Variants in ZC3HAV1 observed in about 807,000 individuals in gnomAD.
ZC3HAV1 encodes zinc finger CCCH-type antiviral protein 1.
In ZC3HAV1, 41 loss-of-function variants were observed where a neutral mutation model predicts 86.6. The observed-to-expected ratio is 0.47, with a 90% confidence interval of 0.37 to 0.61. ZC3HAV1 has a LOEUF of 0.61. Among genes scored for constraint, ZC3HAV1 ranks in the 20% least tolerant of loss-of-function variants. The probability of loss-of-function intolerance (pLI) is 0.00; values close to 1 mark genes in which losing one functional copy is unlikely to be tolerated. For missense variants in ZC3HAV1, 964 were observed against 1,141.1 expected (o/e 0.84, Z 2.24); for synonymous variants, 421 against 432.1 (o/e 0.97, Z 0.32).
At chr7:139,057,188 T>A (rs28419035) in intron 9 of ZC3HAV1, among the ~76,000 whole-genome samples, 8 of 151,892 alleles carry the variant, frequency 5.3e-5, no homozygotes, top group Non-Finnish European at 1.5e-5. Flanking sequence ...CCTCCCCATC[T>A]CTAGAAACAT....
intron 1 of ZC3HAV1, among the ~76,000 whole-genome samples, chr7:139,097,401 CATATAT>C (rs1183885767): frequency 7.7e-4 from 49 of 63,834 alleles, no homozygotes; most frequent in Non-Finnish European, 9.9e-4. Context: ...ATTGGAACTC[CATATAT>C]ATATATATAT....
chr7:139,100,511 G>A (rs1817718455), intron 1 of ZC3HAV1, among the ~76,000 whole-genome samples: 1 of 151,936 alleles, frequency 6.6e-6, no homozygotes, highest in Non-Finnish European at 1.5e-5. Flanking sequence ...TCCAGCCTGG[G>A]CGACAGACCG....
chr7:139,096,545 T>C (rs551053872), intron 1 of ZC3HAV1, among the ~76,000 whole-genome samples: 1 of 152,298 alleles, frequency 6.6e-6, no homozygotes, highest in African/African-American at 2.4e-5. Context: ...GACACAAAGT[T>C]TGTGCTCAAT....
At chr7:139,085,854 A>G (rs1372043482) in intron 2 of ZC3HAV1, among the ~76,000 whole-genome samples, 1 of 151,962 alleles carries the variant, frequency 6.6e-6, no homozygotes, top group African/African-American at 2.4e-5. Context: ...CTCTACGAAA[A>G]ATACAAAAAA....
At chr7:139,073,465 T>C (rs1816840543) in intron 7 of ZC3HAV1, among the ~76,000 whole-genome samples, 2 of 151,912 alleles carry the variant, frequency 1.3e-5, no homozygotes, top group Non-Finnish European at 2.9e-5. Context: ...CTTCAAACAT[T>C]TTATTAATAG....
chr7:139,102,003 A>AT (rs1293551215), intron 1 of ZC3HAV1, among the ~76,000 whole-genome samples: 6 of 135,204 alleles, frequency 4.4e-5, no homozygotes, highest in African/African-American at 9.5e-5. Flanking sequence ...AGAATGATCA[A>AT]TAAAAAAAAA....
intron 1 of ZC3HAV1, among the ~76,000 whole-genome samples, chr7:139,092,724 T>C (rs1237902105): frequency 1.3e-5 from 2 of 152,250 alleles, no homozygotes; most frequent in Non-Finnish European, 2.9e-5. Flanking sequence ...AGCTAGCCCA[T>C]GCTGCACTGG....
intron 7 of ZC3HAV1, among the ~76,000 whole-genome samples, chr7:139,070,524 C>A (rs914195627): frequency 6.6e-6 from 1 of 151,402 alleles, no homozygotes; most frequent in African/African-American, 2.4e-5. Context: ...ATTAGCTGGG[C>A]GCGGTGGCGG....
chr7:139,091,170 A>G (rs955501540), intron 1 of ZC3HAV1, among the ~76,000 whole-genome samples: 5 of 131,632 alleles, frequency 3.8e-5, no homozygotes, highest in East Asian at 2.0e-4. Context: ...TCCCGGAGGA[A>G]AGACTCCTAC....
chr7:139,069,090 T>C (rs974355362), intron 7 of ZC3HAV1, among the ~76,000 whole-genome samples: 1 of 152,190 alleles, frequency 6.6e-6, no homozygotes, highest in African/African-American at 2.4e-5. Context: ...GTCATATCTG[T>C]GCTGAGCTGG....
Position 139,073,877 on chromosome 7 carries a change from T to C in ZC3HAV1, c.1851A>G (p.Thr617=). Residue 617 remains threonine (T), a synonymous_variant, in exon 7 of 13, where the codon ACA becomes ACG. Coordinates refer to ENST00000242351, the MANE Select transcript of ZC3HAV1 (RefSeq NM_020119.4). ...TCACCTCTTCTCCATACTGAATCCA[T>C]GTGCCAGATTCATTCTTCCAATACC... The part of the protein sequence containing the change: ...WIWYWKNESG[T]WIQYGEEKDK... The C allele has an allele frequency of 8.7e-6, 14 of 1,613,062 alleles. No individual in the cohort carries two copies. Among genetic ancestry groups the C allele is most frequent in the South Asian group, 1.1e-5 (1 of 91,054 alleles).
chr7:139,076,205 C>A (rs56245172), intron 6 of ZC3HAV1, 81 bp downstream of exon 6: 9 of 1,560,554 alleles, frequency 5.8e-6, no homozygotes, highest in Non-Finnish European at 7.8e-6. Context: ...GTGTTTTTTT[C>A]TTTTTCCCCT....
At chr7:139,096,135 C>A (rs113125810) in intron 1 of ZC3HAV1, among the ~76,000 whole-genome samples, 5,778 of 152,218 alleles carry the variant, frequency 0.038, 376 homozygotes, top group African/African-American at 0.13. Flanking sequence ...CTGCCTCAGC[C>A]TCCCGAGTAG....
rs142824714 is a variant in ZC3HAV1, at chr7:139,075,301, G to A, written c.1697+985C>T. On this transcript the variant is annotated intron_variant, in intron 6 of 12. Transcript: ENST00000242351. ...TCAAATCACTAAATTCTCATATGATGAAAAGTAATGTAACTTTTCCCCCTT... is the reference window on the plus strand; with the variant it reads ...TCAAATCACTAAATTCTCATATGATAAAAAGTAATGTAACTTTTCCCCCTT... Among the ~76,000 whole-genome samples the A allele has an allele frequency of 6.5e-3, 993 of 152,254 alleles. 4 individuals carry two copies. Among genetic ancestry groups the A allele is most frequent in the Admixed American group, 0.011 (169 of 15,280 alleles).
rs2130706465 is a variant in ZC3HAV1, at chr7:139,080,103, T to C, written c.838A>G (p.Ser280Gly). The change falls in exon 4 of 13, where the codon AGC (serine) becomes GGC (glycine). Residue 280 changes from serine (S) to glycine (G), a missense_variant. Physicochemically the swap from Ser to Gly is moderately conservative, Grantham distance 56 (BLOSUM62 0). Transcript: ENST00000242351. ...RSCTPSPDQI[S>G]HRASLEDAPV... Reference sequence around the variant, plus strand: ...GCGTCCTCCAGGGAAGCCCTGTGGCTGATCTGATCTGGACTAGGTGTGCAG... The same window carrying C: ...GCGTCCTCCAGGGAAGCCCTGTGGCCGATCTGATCTGGACTAGGTGTGCAG... 1 of 1,614,214 alleles carries C rather than the reference T, an allele frequency of 6.2e-7. No homozygotes were observed. Among genetic ancestry groups the C allele is most frequent in the Non-Finnish European group, 8.5e-7 (1 of 1,180,028 alleles).
intron 7 of ZC3HAV1, among the ~76,000 whole-genome samples, chr7:139,068,323 G>T (rs1816668779): frequency 6.6e-6 from 1 of 152,014 alleles, no homozygotes; most frequent in Non-Finnish European, 1.5e-5. Flanking sequence ...GCCTCCCAAA[G>T]TGCTGGGATT....
At chr7:139,101,505 G>C (rs1211419897) in intron 1 of ZC3HAV1, among the ~76,000 whole-genome samples, 1 of 102,340 alleles carries the variant, frequency 9.8e-6, no homozygotes, top group Non-Finnish European at 1.9e-5. Context: ...ACCCCGTCTG[G>C]GAGGTGTACC....
rs747443454 is a variant in ZC3HAV1, at chr7:139,109,053, C to A, written c.279G>T (p.Leu93=). The change falls in exon 1 of 13, where the codon CTG becomes CTT. Residue 93 remains leucine, a synonymous_variant. Transcript: ENST00000242351. ...DNLHLCKLNL[L]GRCNYSQSER... ...CGGACTGCGAATAGTTGCACCGGCCCAGCAAGTTGAGTTTGCAGAGATGCA... is the reference window on the plus strand; with the variant it reads ...CGGACTGCGAATAGTTGCACCGGCCAAGCAAGTTGAGTTTGCAGAGATGCA... 2.5e-6 allele frequency: 4 copies of A among 1,582,458 alleles called. No homozygotes were observed. Among genetic ancestry groups the A allele is most frequent in the Non-Finnish European group, 3.4e-6 (4 of 1,161,294 alleles).
intron 2 of ZC3HAV1, among the ~76,000 whole-genome samples, chr7:139,086,821 C>T (rs559401250): frequency 5.3e-5 from 8 of 152,308 alleles, no homozygotes; most frequent in African/African-American, 1.7e-4. Context: ...GCACTCACTT[C>T]TCTTGCTTGC....
Sources: gnomAD v4.1 joint callset for allele counts (sites outside exome capture counted in the v4.1 genomes callset) on GRCh38, gnomAD v4.1.1 for gene constraint, MANE v1.5 for transcripts, NCBI Gene and HGNC (gene_info 2026-07-23, HGNC 2026-07-21) for gene names.